BRIP1: variants seen among roughly 807,000 people sequenced by gnomAD.
BRIP1 encodes Fanconi anemia group J protein.
A neutral mutation model predicts 119.7 loss-of-function variants in BRIP1; 88 were observed. The observed-to-expected ratio is 0.74, with a 90% CI of 0.62 to 0.88. The LOEUF (loss-of-function observed/expected upper bound fraction) is 0.88. Ranked by LOEUF, BRIP1 falls within the 40% of genes least tolerant of loss-of-function variation. The probability of loss-of-function intolerance (pLI) is 0.00; values close to 1 mark genes in which losing one functional copy is unlikely to be tolerated. For missense variants in BRIP1, 1,259 were observed against 1,455.4 expected, an observed-to-expected ratio of 0.87 and a Z score of 2.20; for synonymous variants, 443 against 496.5, an observed-to-expected ratio of 0.89 and a Z score of 1.43.
In BRIP1 at chr17:61,744,308, T is replaced by C. The variant is rs1603304411; in HGVS notation, c.2257+124A>G. 1 of 1,080,696 alleles carries C rather than the reference T, an allele frequency of 9.3e-7. No homozygotes were observed. Among genetic ancestry groups the C allele is most frequent in the Non-Finnish European group, 1.3e-6 (1 of 748,142 alleles). 66.9% of individuals were successfully genotyped at this position (1,080,696 alleles called of 1,614,324 possible). ...ATTTCTTTACCCAATTTATTTTCTT[T>C]TCACTCAGGATTATAATTTTTCTCT... On this transcript the variant is annotated intron_variant, in intron 15 of 19. Coordinates refer to ENST00000259008, the MANE Select transcript of BRIP1 (RefSeq NM_032043.3). The surrounding 1 kb of genome is among the most constrained non-coding windows in gnomAD (Gnocchi z 5.0).
Position 61,848,984 on chromosome 17 carries a change from T to C in BRIP1, c.507+145A>G. The C allele has an allele frequency of 2.1e-6, 2 of 948,892 alleles. No homozygotes were observed. Among genetic ancestry groups the C allele is most frequent in the East Asian group, 2.4e-5 (1 of 40,966 alleles). The allele number at this position is 948,892 out of a possible 1,614,324, so 58.8% of individuals were successfully genotyped here. A position where few individuals can be genotyped will look rare whatever the true frequency, so the allele number is the denominator to read the frequency against. ...TAAACTCCTTTGTAACAAGTAACTC[T>C]ACAAAATGAAATTACAACAAATTAT... On this transcript the variant is annotated intron_variant, in intron 5 of 19. Coordinates refer to ENST00000259008, the MANE Select transcript of BRIP1 (RefSeq NM_032043.3). This position sits in a 1 kb window ranked among gnomAD's most constrained non-coding sequence, Gnocchi z 4.3.
rs1177986399 is a variant in BRIP1 at position 61,729,181 on chromosome 17, A to G, written c.2380-13118T>C. 1.3e-5 allele frequency among the ~76,000 whole-genome samples: 2 copies of G among 152,124 alleles called. No homozygotes were observed. The highest frequency in any genetic ancestry group is 3.9e-4 in the East Asian group (2 of 5,190). On this transcript the variant is annotated intron_variant, in intron 16 of 19. Transcript: ENST00000259008. The surrounding 1 kb of genome is among the most constrained non-coding windows in gnomAD (Gnocchi z 5.6). The stretch of plus-strand genomic sequence containing the variant: ...GTAATCCCAGCTACTCGGGAGGCTG[A>G]GGCAGGAGGATCGCTTGAGCCTGGG...
chr17:61,841,635 T>C lies in BRIP1; in HGVS notation c.627+5466A>G, dbSNP rs1276541286. 2.0e-5 allele frequency among the ~76,000 whole-genome samples: 3 copies of C among 152,102 alleles called. No homozygotes were observed. The highest frequency in any genetic ancestry group is 2.9e-5 in the Non-Finnish European group (2 of 68,020). On this transcript the variant is annotated intron_variant, in intron 6 of 19. Transcript: ENST00000259008. The surrounding 1 kb of genome is among the most constrained non-coding windows in gnomAD (Gnocchi z 4.1). Reference sequence around the variant, plus strand: ...GTACAGACATTACGGAAAACAGCAATGGAGGCTTCTCAAAAACCTAAAAAT... The same window carrying C: ...GTACAGACATTACGGAAAACAGCAACGGAGGCTTCTCAAAAACCTAAAAAT...
rs2061331406 is a variant in BRIP1 at position 61,684,448 on chromosome 17, G to A, written c.2906-308C>T. ...GGAAGAGGAAGGGAGCTGAGGAAAGGAGGGAACAGGCTGTAAACATTTGCC... is the reference window on the plus strand; with the variant it reads ...GGAAGAGGAAGGGAGCTGAGGAAAGAAGGGAACAGGCTGTAAACATTTGCC... On this transcript the variant is annotated intron_variant, in intron 19 of 19. Transcript: ENST00000259008. This position sits in a 1 kb window ranked among gnomAD's most constrained non-coding sequence, Gnocchi z 4.5. Among the ~76,000 whole-genome samples, 1 of 152,146 alleles carries A rather than the reference G, an allele frequency of 6.6e-6. No homozygotes were observed. Among genetic ancestry groups the A allele is most frequent in the South Asian group, 2.1e-4 (1 of 4,828 alleles).
At position 61,686,224 on chromosome 17, in the gene BRIP1, G is replaced by GTAATATT; in HGVS notation, c.2576-60_2576-59insAATATTA. On this transcript the variant is annotated intron_variant, in intron 18 of 19. Transcript: ENST00000259008. The surrounding 1 kb of genome is among the most constrained non-coding windows in gnomAD (Gnocchi z 5.4). ...TTACTTAGTTATTAAAATATTACAT[G>GTAATATT]CTAAGGTAATACACTTGCTTTTTCT... is the stretch of plus-strand genomic sequence containing the variant. 7.0e-7 allele frequency: 1 copy of GTAATATT among 1,434,010 alleles called. No individual in the cohort carries two copies. The highest frequency in any genetic ancestry group is 9.8e-7 in the Non-Finnish European group (1 of 1,017,770). 88.8% of individuals were successfully genotyped at this position (1,434,010 alleles called of 1,614,324 possible).
intron 4 of BRIP1, among the ~76,000 whole-genome samples, chr17:61,854,897 A>G (rs1351608714): frequency 1.3e-5 from 2 of 152,136 alleles, no homozygotes; most frequent in Non-Finnish European, 2.9e-5. Context: ...GCCAATAACC[A>G]ATTTGTGGTA....
At position 61,745,776 on chromosome 17, in the gene BRIP1, T is replaced by G. The variant is rs1052038303; in HGVS notation, c.2098-1185A>C. Among the ~76,000 whole-genome samples, 2 of 152,204 alleles carry G rather than the reference T, an allele frequency of 1.3e-5. No homozygotes were observed. Among genetic ancestry groups the G allele is most frequent in the African/African-American group, 4.8e-5 (2 of 41,458 alleles). ...AAAAGCACTCACAATTCGAAACATGTGGCATACAGCAATGGCAATACATGG... is the reference window on the plus strand; with the variant it reads ...AAAAGCACTCACAATTCGAAACATGGGGCATACAGCAATGGCAATACATGG... On this transcript the variant is annotated intron_variant, in intron 14 of 19. Coordinates refer to ENST00000259008, the MANE Select transcript of BRIP1 (RefSeq NM_032043.3). The surrounding 1 kb of genome is among the most constrained non-coding windows in gnomAD (Gnocchi z 4.4).
At chr17:61,839,779 G>T (rs571157662) in intron 6 of BRIP1, among the ~76,000 whole-genome samples, 1 of 152,100 alleles carries the variant, frequency 6.6e-6, no homozygotes, top group Non-Finnish European at 1.5e-5. Context: ...GAGATATGTA[G>T]AGTTATACCA....
chr17:61,737,134 CA>C, intron 16 of BRIP1, among the ~76,000 whole-genome samples: 1 of 151,864 alleles, frequency 6.6e-6, no homozygotes, highest in East Asian at 1.9e-4. Context: ...CAACTAAATA[CA>C]AAAAAGGAAA....
At chr17:61,819,421 C>G (rs1270507088) in intron 6 of BRIP1, among the ~76,000 whole-genome samples, 1 of 152,170 alleles carries the variant, frequency 6.6e-6, no homozygotes, top group African/African-American at 2.4e-5. Context: ...GAGGAGATAT[C>G]TGCACTCTCA....
In BRIP1 at chr17:61,843,860, G is replaced by A. The variant is rs2078691533; in HGVS notation, c.627+3241C>T. On this transcript the variant is annotated intron_variant, in intron 6 of 19. Coordinates refer to ENST00000259008, the MANE Select transcript of BRIP1 (RefSeq NM_032043.3). The surrounding 1 kb of genome is among the most constrained non-coding windows in gnomAD (Gnocchi z 5.7). Reference sequence around the variant, plus strand: ...TTGGCTGTAGTAATAATTTCACTATGTATATATATATTAAAACATCATGTT... The same window carrying A: ...TTGGCTGTAGTAATAATTTCACTATATATATATATATTAAAACATCATGTT... Among the ~76,000 whole-genome samples, 1 of 151,672 alleles carries A rather than the reference G, an allele frequency of 6.6e-6. No homozygotes were observed. Among genetic ancestry groups the A allele is most frequent in the Admixed American group, 6.6e-5 (1 of 15,228 alleles).
intron 4 of BRIP1, among the ~76,000 whole-genome samples, chr17:61,850,861 C>T (rs1027781733): frequency 1.3e-5 from 2 of 151,560 alleles, no homozygotes; most frequent in Non-Finnish European, 2.9e-5. Context: ...ATTACATAAA[C>T]TCAGAAATGA....
chr17:61,780,392 C>A lies in BRIP1; in HGVS notation c.1804G>T (p.Asp602Tyr), dbSNP rs770750488. The A allele has an allele frequency of 1.9e-6, 3 of 1,609,372 alleles. No individual in the cohort carries two copies. Among genetic ancestry groups the A allele is most frequent in the Non-Finnish European group, 2.6e-6 (3 of 1,175,846 alleles). The part of the protein sequence containing the change: ...WCLNPAVAFS[D>Y]INGKVQTIVL... ...ATGGTCTGAACTTTGCCATTAATATCTGAAAAGGCCTAAAAGAAAACAACA... is the reference window on the plus strand; with the variant it reads ...ATGGTCTGAACTTTGCCATTAATATATGAAAAGGCCTAAAAGAAAACAACA... Residue 602 changes from aspartate (D) to tyrosine (Y), a missense_variant, in exon 13 of 20, where the codon GAT becomes TAT. By Grantham distance (160) the Asp-to-Tyr change is radical. This residue lies in a region of BRIP1 where 753 missense variants were observed against 891.8 expected (regional missense o/e 0.84). Coordinates refer to ENST00000259008, the MANE Select transcript of BRIP1 (RefSeq NM_032043.3). This position sits in a 1 kb window ranked among gnomAD's most constrained non-coding sequence, Gnocchi z 5.4.
At position 61,861,381 on chromosome 17, in the gene BRIP1, C is replaced by T; in HGVS notation, c.93+66G>A. ...GAGAATATGAATGCAGTCAAATACT[C>T]AATGTACTTTATGGGTCATAAGTAT... On this transcript the variant is annotated intron_variant, in intron 2 of 19. Transcript: ENST00000259008. The surrounding 1 kb of genome is among the most constrained non-coding windows in gnomAD (Gnocchi z 4.5). 1 of 1,050,218 alleles carries T rather than the reference C, an allele frequency of 9.5e-7. No individual in the cohort carries two copies. The highest frequency in any genetic ancestry group is 1.5e-6 in the Non-Finnish European group (1 of 674,468). 65.1% of individuals were successfully genotyped at this position (1,050,218 alleles called of 1,614,324 possible).
rs940840765 is a variant in BRIP1, at chr17:61,724,997, A to G, written c.2380-8934T>C. On this transcript the variant is annotated intron_variant, in intron 16 of 19. Coordinates refer to ENST00000259008, the MANE Select transcript of BRIP1 (RefSeq NM_032043.3). This position sits in a 1 kb window ranked among gnomAD's most constrained non-coding sequence, Gnocchi z 5.1. ...TCAGGGTATCACAATATAAATTCCA[A>G]TGGTTAGAATTATAAACTCAGCATA... is the stretch of plus-strand genomic sequence containing the variant. Among the ~76,000 whole-genome samples the G allele has an allele frequency of 2.0e-5, 3 of 152,196 alleles. No homozygotes were observed. The highest frequency in any genetic ancestry group is 1.3e-4 in the Admixed American group (2 of 15,276).
chr17:61,690,802 GA>G lies in BRIP1; in HGVS notation c.2575+2627del, dbSNP rs928931089. ...TTTTATGTGGAAAACCCTAAAGATT[GA>G]AAAAAAACCTGTTAGGACTAATAAA... On this transcript the variant is annotated intron_variant, in intron 18 of 19. Transcript: ENST00000259008. The surrounding 1 kb of genome is among the most constrained non-coding windows in gnomAD (Gnocchi z 5.6). Among the ~76,000 whole-genome samples the G allele has an allele frequency of 6.6e-6, 1 of 151,390 alleles. No homozygotes were observed. Among genetic ancestry groups the G allele is most frequent in the East Asian group, 1.9e-4 (1 of 5,158 alleles).
chr17:61,704,730 A>C lies in BRIP1; in HGVS notation c.2493-11218T>G, dbSNP rs368251390. Among the ~76,000 whole-genome samples the C allele has an allele frequency of 6.6e-6, 1 of 152,110 alleles. No homozygotes were observed. The highest frequency in any genetic ancestry group is 2.4e-5 in the African/African-American group (1 of 41,442). ...TTTGTGGAATTAATCTACTTCATCT[A>C]AGTTATCAAATGTATATGTATAGAG... On this transcript the variant is annotated intron_variant, in intron 17 of 19. Coordinates refer to ENST00000259008, the MANE Select transcript of BRIP1 (RefSeq NM_032043.3). The surrounding 1 kb of genome is among the most constrained non-coding windows in gnomAD (Gnocchi z 5.7).
At chr17:61,716,790 A>C (rs2061876956) in intron 16 of BRIP1, among the ~76,000 whole-genome samples, 4 of 145,614 alleles carry the variant, frequency 2.7e-5, no homozygotes, top group Non-Finnish European at 4.5e-5. Context: ...TATTATTTCC[A>C]CTACTGGAAA....
intron 16 of BRIP1, among the ~76,000 whole-genome samples, chr17:61,718,897 TTAAA>T (rs1207364259): frequency 2.6e-5 from 4 of 152,206 alleles, no homozygotes; most frequent in Non-Finnish European, 5.9e-5. Flanking sequence ...CCTTTATACT[TTAAA>T]TAATCTCTGG....
Sources: gnomAD v4.1 joint callset for allele counts (sites outside exome capture counted in the v4.1 genomes callset) on GRCh38, gnomAD v4.1.1 for gene constraint, gnomAD v4.1.1 regional missense constraint, Gnocchi (gnomAD v3.1) non-coding constraint, MANE v1.5 for transcripts, NCBI Gene and HGNC (gene_info 2026-07-23, HGNC 2026-07-21) for gene names.